Variants in TMEM178B observed in about 807,000 individuals in gnomAD.
TMEM178B encodes the protein transmembrane protein 178B.
Under a neutral mutation model 31.0 loss-of-function variants are expected in TMEM178B, and 5 were observed. The observed-to-expected ratio is 0.16, with a 90% CI of 0.08 to 0.34. TMEM178B has a LOEUF of 0.34. TMEM178B is among the 10% of genes least tolerant of loss of function. TMEM178B has a pLI of 1.00. For missense variants in TMEM178B, 275 were observed against 400.3 expected, an observed-to-expected ratio of 0.69 and a Z score of 2.67; for synonymous variants, 164 against 164.0, an observed-to-expected ratio of 1.00 and a Z score of 0.00.
At position 141,171,059 on chromosome 7, in the gene TMEM178B, CA is replaced by C. The variant is rs1441617275; in HGVS notation, c.383-41531del. Among the ~76,000 whole-genome samples, 2 of 86,164 alleles carry C rather than the reference CA, an allele frequency of 2.3e-5. No individual in the cohort carries two copies. The highest frequency in any genetic ancestry group is 9.2e-5 in the African/African-American group (2 of 21,664). 56.5% of individuals were successfully genotyped at this position (86,164 alleles called of 152,430 possible). On this transcript the variant is annotated intron_variant, in intron 1 of 3. Transcript: ENST00000565468. This position sits in a 1 kb window ranked among gnomAD's most constrained non-coding sequence, Gnocchi z 4.3. Reference sequence around the variant, plus strand: ...ACACACACACACACACACACACACACACACACCCTAAATATAAATTAAAATA... The same window carrying C: ...ACACACACACACACACACACACACACCACACCCTAAATATAAATTAAAATA...
chr7:141,339,001 G>T (rs1355415512), intron 2 of TMEM178B, among the ~76,000 whole-genome samples: 2 of 152,182 alleles, frequency 1.3e-5, no homozygotes, highest in African/African-American at 4.8e-5. Flanking sequence ...GGACTTCCAT[G>T]GCGGGTGTTG....
chr7:141,202,459 A>G (rs1395198470), intron 1 of TMEM178B, among the ~76,000 whole-genome samples: 1 of 152,196 alleles, frequency 6.6e-6, no homozygotes, highest in East Asian at 1.9e-4. Context: ...CATTTATGTA[A>G]CATAGAATGG....
chr7:141,322,836 CT>C (rs1248462421), intron 2 of TMEM178B, among the ~76,000 whole-genome samples: 1 of 152,146 alleles, frequency 6.6e-6, no homozygotes, highest in African/African-American at 2.4e-5. Context: ...GACTCCTCCC[CT>C]CTCTCCTTCT....
At chr7:141,453,151 G>C (rs1308873958) in intron 3 of TMEM178B, among the ~76,000 whole-genome samples, 2 of 152,204 alleles carry the variant, frequency 1.3e-5, no homozygotes, top group Non-Finnish European at 2.9e-5. Flanking sequence ...GTTCCATTTT[G>C]ATGGCATTTG....
At chr7:141,257,594 A>G (rs982748189) in intron 2 of TMEM178B, among the ~76,000 whole-genome samples, 2 of 150,842 alleles carry the variant, frequency 1.3e-5, no homozygotes, top group Non-Finnish European at 3.0e-5. Context: ...GACTGCAAAA[A>G]CTCCCCTCTG....
chr7:141,243,745 C>T (rs1797681464), intron 2 of TMEM178B, among the ~76,000 whole-genome samples: 3 of 152,206 alleles, frequency 2.0e-5, no homozygotes, highest in African/African-American at 7.2e-5. Flanking sequence ...AGTGACAGGG[C>T]TGAGAAGAGG....
intron 1 of TMEM178B, among the ~76,000 whole-genome samples, chr7:141,084,446 T>G (rs2129171314): frequency 6.6e-6 from 1 of 152,340 alleles, no homozygotes; most frequent in African/African-American, 2.4e-5. Context: ...GTTTCTGTCC[T>G]CATGGAGCTA....
chr7:141,181,049 A>C (rs1401247110), intron 1 of TMEM178B, among the ~76,000 whole-genome samples: 2 of 152,168 alleles, frequency 1.3e-5, no homozygotes, highest in Admixed American at 6.5e-5. Context: ...TCATGTGCCA[A>C]GTATGATAGT....
chr7:141,099,946 C>T (rs1403272584), intron 1 of TMEM178B, among the ~76,000 whole-genome samples: 1 of 151,558 alleles, frequency 6.6e-6, no homozygotes, highest in Non-Finnish European at 1.5e-5. Flanking sequence ...TCTCCTCCCT[C>T]GTAGCTGGGA....
At chr7:141,280,269 A>G (rs1798334473) in intron 2 of TMEM178B, among the ~76,000 whole-genome samples, 1 of 152,150 alleles carries the variant, frequency 6.6e-6, no homozygotes, top group Non-Finnish European at 1.5e-5. Context: ...ACAGGTCAGA[A>G]GCAGGCCTGT....
intron 2 of TMEM178B, among the ~76,000 whole-genome samples, chr7:141,427,172 A>G (rs563781720): frequency 3.9e-5 from 6 of 152,316 alleles, no homozygotes; most frequent in African/African-American, 1.4e-4. Context: ...ATCCCCTATC[A>G]AAATACCAAA....
At chr7:141,440,769 T>C (rs1326613779) in intron 3 of TMEM178B, among the ~76,000 whole-genome samples, 1 of 152,218 alleles carries the variant, frequency 6.6e-6, no homozygotes, top group Non-Finnish European at 1.5e-5. Context: ...AAGCTGCCTC[T>C]TGCTGACTGC....
chr7:141,466,708 G>A (rs1802153392), intron 3 of TMEM178B, among the ~76,000 whole-genome samples: 1 of 152,212 alleles, frequency 6.6e-6, no homozygotes, highest in Non-Finnish European at 1.5e-5. Flanking sequence ...TTCTGGCTCA[G>A]AACTTTCTAT....
intron 1 of TMEM178B, among the ~76,000 whole-genome samples, chr7:141,200,930 C>T (rs960149987): frequency 6.6e-6 from 1 of 152,024 alleles, no homozygotes; most frequent in Non-Finnish European, 1.5e-5. Context: ...AATGGCTTGG[C>T]GAGGATGGGG....
chr7:141,212,764 T>C, intron 2 of TMEM178B, 60 bp downstream of exon 2: 1 of 1,338,710 alleles, frequency 7.5e-7, no homozygotes, highest in Middle Eastern at 1.8e-4. Context: ...TTGGAGGGAT[T>C]GGAGGATTGG....
At chr7:141,291,571 A>G (rs1798546292) in intron 2 of TMEM178B, among the ~76,000 whole-genome samples, 2 of 152,208 alleles carry the variant, frequency 1.3e-5, no homozygotes, top group South Asian at 2.1e-4. Context: ...GAAAATTGAC[A>G]TCAAGGCTCA....
intron 2 of TMEM178B, among the ~76,000 whole-genome samples, chr7:141,382,035 G>A (rs775966461): frequency 5.1e-4 from 77 of 152,302 alleles, no homozygotes; most frequent in Non-Finnish European, 1.1e-3. Flanking sequence ...CAACAGGGCT[G>A]GATTCTCCTC....
At chr7:141,209,941 A>C (rs1797027692) in intron 1 of TMEM178B, among the ~76,000 whole-genome samples, 1 of 152,094 alleles carries the variant, frequency 6.6e-6, no homozygotes, top group African/African-American at 2.4e-5. Flanking sequence ...GGGAGCTGGG[A>C]CTTTATGCCT....
intron 1 of TMEM178B, among the ~76,000 whole-genome samples, chr7:141,176,923 G>A (rs972520592): frequency 3.3e-5 from 5 of 152,034 alleles, no homozygotes; most frequent in African/African-American, 1.2e-4. Context: ...TGATTTTTTT[G>A]AAGGGTTTTT....
Sources: allele counts gnomAD v4.1 joint callset (sites outside exome capture counted in the v4.1 genomes callset), GRCh38; gene constraint gnomAD v4.1.1; non-coding constraint Gnocchi (gnomAD v3.1); transcripts MANE v1.5; gene names NCBI Gene and HGNC (gene_info 2026-07-23, HGNC 2026-07-21).